Variants in DDX50 observed in about 807,000 individuals in gnomAD.
DDX50 encodes the protein ATP-dependent RNA helicase DDX50.
DDX50 carries 56 observed loss-of-function variants against 94.8 expected under a neutral mutation model. The ratio of observed to expected loss-of-function variants is 0.59; its 90% CI spans 0.48 to 0.74. The LOEUF (loss-of-function observed/expected upper bound fraction) is 0.74, where lower values mean the gene tolerates loss of function less well. Ranked by LOEUF, DDX50 falls within the 30% of genes least tolerant of loss-of-function variation. DDX50 has a pLI of 0.00. For synonymous variants in DDX50, 264 were observed against 295.4 expected (o/e 0.89, Z 1.09); for missense variants, 713 against 881.2 (o/e 0.81, Z 2.42).
intron 8 of DDX50, among the ~76,000 whole-genome samples, chr10:68,926,465 A>G (rs1461258182): frequency 2.0e-5 from 3 of 152,014 alleles, no homozygotes; most frequent in Non-Finnish European, 4.4e-5. Context: ...ATTTAGATAG[A>G]AAGTACTAGT....
intron 8 of DDX50, among the ~76,000 whole-genome samples, chr10:68,933,067 GTTT>G (rs1488334794): frequency 1.1e-3 from 158 of 141,132 alleles, no homozygotes; most frequent in Non-Finnish European, 2.1e-3. Context: ...TTGTTTGTTT[GTTT>G]GTTTTTTTTT....
chr10:68,914,838 A>G (rs1748319032), intron 7 of DDX50, among the ~76,000 whole-genome samples: 1 of 151,712 alleles, frequency 6.6e-6, no homozygotes, highest in African/African-American at 2.4e-5. Context: ...CCTGGCCAAT[A>G]TGGTGAAACT....
chr10:68,908,278 C>G (rs1223229068), intron 2 of DDX50, among the ~76,000 whole-genome samples: 1 of 151,818 alleles, frequency 6.6e-6, no homozygotes, highest in Non-Finnish European at 1.5e-5. Flanking sequence ...ATGGTGAAAC[C>G]TGTCTCTACT....
chr10:68,939,505 T>G (rs564264237), intron 12 of DDX50, among the ~76,000 whole-genome samples: 1 of 152,298 alleles, frequency 6.6e-6, no homozygotes, highest in Non-Finnish European at 1.5e-5. Flanking sequence ...GCTTTTCCTC[T>G]TGCTATCTTC....
intron 7 of DDX50, among the ~76,000 whole-genome samples, chr10:68,916,194 A>C (rs1336950575): frequency 4.6e-5 from 7 of 152,004 alleles, no homozygotes; most frequent in African/African-American, 2.4e-5. Flanking sequence ...TCTCTACTAA[A>C]AATACAAAAA....
chr10:68,907,191 T>C (rs766925810), intron 2 of DDX50, among the ~76,000 whole-genome samples, 184 bp downstream of exon 2: 1 of 152,202 alleles, frequency 6.6e-6, no homozygotes, highest in African/African-American at 2.4e-5. Context: ...TTTATTTCAC[T>C]GTATGGCCTT....
chr10:68,911,429 T>C (rs1002379970), intron 4 of DDX50, among the ~76,000 whole-genome samples, 183 bp downstream of exon 4: 2 of 152,246 alleles, frequency 1.3e-5, no homozygotes, highest in African/African-American at 4.8e-5. Flanking sequence ...AGTTTTTGCA[T>C]ATGAATGTGA....
intron 8 of DDX50, among the ~76,000 whole-genome samples, chr10:68,920,723 A>G (rs958502621): frequency 2.0e-5 from 3 of 151,982 alleles, no homozygotes; most frequent in African/African-American, 7.2e-5. Context: ...AGGTGGGTGG[A>G]TCGCCTGATG....
intron 7 of DDX50, among the ~76,000 whole-genome samples, chr10:68,916,906 G>A (rs1005859452): frequency 1.3e-5 from 2 of 152,056 alleles, no homozygotes; most frequent in Non-Finnish European, 2.9e-5. Context: ...GGCTGGTTTC[G>A]AAATCATGAC....
intron 11 of DDX50, 98 bp from the exon 12 acceptor site, chr10:68,936,836 ATC>A (rs1842433302): frequency 4.1e-6 from 5 of 1,217,250 alleles, no homozygotes; most frequent in Admixed American, 2.3e-5. Context: ...GCAAGGCTCT[ATC>A]TCAAAAAAAA....
chr10:68,910,541 T>A (rs1481594671), intron 3 of DDX50, among the ~76,000 whole-genome samples, 159 bp downstream of exon 3: 1 of 152,100 alleles, frequency 6.6e-6, no homozygotes, highest in Non-Finnish European at 1.5e-5. Context: ...TAGTTGGGAT[T>A]ATAGGCGTGT....
In DDX50 at chr10:68,946,670, T is replaced by G; in HGVS notation, c.*40T>G. ...ATCTACCAGTGTGAGCTTGCCTATT[T>G]CTGCCTAATCATGTACATTATCCAC... On this transcript the variant is annotated 3_prime_UTR_variant, in exon 15 of 15. Coordinates refer to ENST00000373585, the MANE Select transcript of DDX50 (RefSeq NM_024045.2). 6.3e-7 allele frequency: 1 copy of G among 1,587,314 alleles called. No homozygotes were observed.
chr10:68,920,239 G>A (rs886360204), intron 8 of DDX50, among the ~76,000 whole-genome samples: 15 of 151,510 alleles, frequency 9.9e-5, no homozygotes, highest in African/African-American at 2.9e-4. Context: ...ATGGCTCACT[G>A]CATTCTTGAC....
chr10:68,937,508 C>A (rs887449084), intron 12 of DDX50, among the ~76,000 whole-genome samples: 2 of 152,006 alleles, frequency 1.3e-5, no homozygotes, highest in Admixed American at 1.3e-4. Flanking sequence ...ATTAGCGTAT[C>A]CATCGTCTAA....
chr10:68,907,258 G>A (rs191028324), intron 2 of DDX50, among the ~76,000 whole-genome samples: 1,685 of 150,248 alleles, frequency 0.011, 18 homozygotes, highest in South Asian at 0.019. Flanking sequence ...GTACATTTGG[G>A]TTCCTAAAGT....
chr10:68,934,747 A>G lies in DDX50; in HGVS notation c.1402-52A>G. The G allele has an allele frequency of 1.6e-5, 24 of 1,538,108 alleles. No homozygotes were observed. Among genetic ancestry groups the G allele is most frequent in the Non-Finnish European group, 2.1e-5 (24 of 1,148,216 alleles). On this transcript the variant is annotated intron_variant, in intron 9 of 14. Coordinates refer to ENST00000373585, the MANE Select transcript of DDX50 (RefSeq NM_024045.2). The surrounding 1 kb of genome is among the most constrained non-coding windows in gnomAD (Gnocchi z 4.0). ...TTAACATTATTATTTGGATTCCGGAATGACTGCAACTTGCTAGATTTTTAA... is the reference window on the plus strand; with the variant it reads ...TTAACATTATTATTTGGATTCCGGAGTGACTGCAACTTGCTAGATTTTTAA...
chr10:68,923,169 T>C (rs1308295985), intron 8 of DDX50, among the ~76,000 whole-genome samples: 1 of 146,898 alleles, frequency 6.8e-6, no homozygotes, highest in Admixed American at 6.9e-5. Context: ...ATATAAAACT[T>C]TAAAAACTTT....
At chr10:68,924,867 TC>T (rs1459485673) in intron 8 of DDX50, among the ~76,000 whole-genome samples, 2 of 152,090 alleles carry the variant, frequency 1.3e-5, no homozygotes, top group Non-Finnish European at 2.9e-5. Context: ...CCCAGCTTGC[TC>T]CAATCCCTGC....
intron 12 of DDX50, among the ~76,000 whole-genome samples, chr10:68,940,365 C>T (rs928673672): frequency 7.0e-6 from 1 of 143,492 alleles, no homozygotes; most frequent in African/African-American, 2.6e-5. Flanking sequence ...GGTGACAGAG[C>T]GAGACCCTGT....
Sources: gnomAD v4.1 joint callset for allele counts (sites outside exome capture counted in the v4.1 genomes callset) on GRCh38, gnomAD v4.1.1 for gene constraint, Gnocchi (gnomAD v3.1) non-coding constraint, MANE v1.5 for transcripts, NCBI Gene and HGNC (gene_info 2026-07-23, HGNC 2026-07-21) for gene names.